Variants in BMPR2 observed in about 807,000 individuals in gnomAD.
BMPR2 encodes bone morphogenetic protein receptor type 2.
Under a neutral mutation model 100.8 loss-of-function variants are expected in BMPR2, and 29 were observed. That is an observed-to-expected ratio of 0.29 (90% CI 0.21 to 0.39). The LOEUF is 0.39. Ranked by LOEUF, BMPR2 falls within the 10% of genes least tolerant of loss-of-function variation. The pLI is 1.00. For missense variants in BMPR2, 1,011 were observed against 1,274.5 expected, an observed-to-expected ratio of 0.79 and a Z score of 3.15; for synonymous variants, 382 against 442.3, an observed-to-expected ratio of 0.86 and a Z score of 1.71.
intron 1 of BMPR2, among the ~76,000 whole-genome samples, chr2:202,379,704 T>G (rs1690230393): frequency 6.6e-6 from 1 of 152,182 alleles, no homozygotes; most frequent in Non-Finnish European, 1.5e-5. Context: ...GCGCAAATGG[T>G]GCAGCTGAAC....
At position 202,565,615 on chromosome 2, in the gene BMPR2, C is replaced by T. The variant is rs1688747980; in HGVS notation, c.*5669C>T. On this transcript the variant is annotated 3_prime_UTR_variant, in exon 13 of 13. Coordinates refer to ENST00000374580, the MANE Select transcript of BMPR2 (RefSeq NM_001204.7). ...GCCATTAAAATTTTTTAACATATTG[C>T]AGCAAGCTTAGTTTTATGATTGAGC... 1 of 152,500 alleles carries T rather than the reference C, an allele frequency of 6.6e-6. No individual in the cohort carries two copies. The highest frequency in any genetic ancestry group is 1.5e-5 in the Non-Finnish European group (1 of 68,002). The allele number at this position is 152,500 out of a possible 1,614,324, so 9.4% of individuals were successfully genotyped here. A position where few individuals can be genotyped will look rare whatever the true frequency, so the allele number is the denominator to read the frequency against.
chr2:202,498,314 C>T (rs1574478829), intron 3 of BMPR2, among the ~76,000 whole-genome samples: 1 of 152,232 alleles, frequency 6.6e-6, no homozygotes, highest in South Asian at 2.1e-4. Flanking sequence ...ATCCGACCTT[C>T]CTCCGTCCTC....
At chr2:202,492,457 T>C (rs1472151524) in intron 3 of BMPR2, among the ~76,000 whole-genome samples, 1 of 152,074 alleles carries the variant, frequency 6.6e-6, no homozygotes, top group African/African-American at 2.4e-5. Flanking sequence ...CCCAGCACTT[T>C]GGTAGGCCTA....
intron 1 of BMPR2, among the ~76,000 whole-genome samples, chr2:202,409,599 C>T (rs886585758): frequency 3.9e-5 from 6 of 151,918 alleles, no homozygotes; most frequent in Non-Finnish European, 8.8e-5. Context: ...ATATGATCTC[C>T]GAAACAAACG....
intron 3 of BMPR2, among the ~76,000 whole-genome samples, chr2:202,475,598 A>T (rs1198929959): frequency 6.6e-6 from 1 of 152,160 alleles, no homozygotes; most frequent in Non-Finnish European, 1.5e-5. Flanking sequence ...TCTGAATGCC[A>T]GCCTCTATCC....
At chr2:202,475,532 C>T (rs1692529159) in intron 3 of BMPR2, among the ~76,000 whole-genome samples, 1 of 152,144 alleles carries the variant, frequency 6.6e-6, no homozygotes, top group African/African-American at 2.4e-5. Context: ...TCCATTTACA[C>T]ATTATTTATT....
At chr2:202,550,166 A>C (rs905612157) in intron 10 of BMPR2, among the ~76,000 whole-genome samples, 53 of 152,062 alleles carry the variant, frequency 3.5e-4, no homozygotes, top group Non-Finnish European at 6.5e-4. Flanking sequence ...TCAGGAGATC[A>C]AGACCATCCT....
At chr2:202,469,597 G>A (rs1438825322) in intron 3 of BMPR2, 8 of 202,596 alleles carry the variant, frequency 3.9e-5, no homozygotes, top group Non-Finnish European at 6.2e-5. Flanking sequence ...TCCTGTCTCA[G>A]CCTCCCAAGT....
chr2:202,516,641 C>G (rs1158542832), intron 5 of BMPR2, among the ~76,000 whole-genome samples: 1 of 151,528 alleles, frequency 6.6e-6, no homozygotes, highest in Non-Finnish European at 1.5e-5. Flanking sequence ...TGACAGAGAC[C>G]CTGTCTCAAA....
chr2:202,406,252 C>A (rs961502782), intron 1 of BMPR2, among the ~76,000 whole-genome samples: 1 of 152,200 alleles, frequency 6.6e-6, no homozygotes, highest in Non-Finnish European at 1.5e-5. Context: ...TCATAAAACA[C>A]CATTGCCTTC....
chr2:202,394,998 C>T (rs993548373), intron 1 of BMPR2, among the ~76,000 whole-genome samples: 6 of 151,968 alleles, frequency 3.9e-5, no homozygotes, highest in African/African-American at 7.3e-5. Context: ...GTTCTCCTGC[C>T]TCAACCTCCT....
At chr2:202,422,109 G>A (rs1014197702) in intron 1 of BMPR2, among the ~76,000 whole-genome samples, 13 of 152,026 alleles carry the variant, frequency 8.6e-5, no homozygotes, top group Non-Finnish European at 1.5e-4. Flanking sequence ...GGGTTTCACC[G>A]TGTTGGCCAG....
At chr2:202,524,352 A>G (rs1157794627) in intron 7 of BMPR2, among the ~76,000 whole-genome samples, 1 of 140,394 alleles carries the variant, frequency 7.1e-6, no homozygotes, top group African/African-American at 2.6e-5. Context: ...ACAGATCGAG[A>G]GTCTGTCTCA....
intron 3 of BMPR2, among the ~76,000 whole-genome samples, chr2:202,489,936 T>C (rs1692867267): frequency 6.6e-6 from 1 of 152,210 alleles, no homozygotes; most frequent in South Asian, 2.1e-4. Context: ...GCATTTATTC[T>C]CATAATCATA....
chr2:202,535,482 C>T (rs1488809787), intron 9 of BMPR2, among the ~76,000 whole-genome samples: 4 of 146,416 alleles, frequency 2.7e-5, no homozygotes, highest in South Asian at 4.4e-4. Context: ...ACATCTCAGA[C>T]GATGGGCGGC....
intron 10 of BMPR2, among the ~76,000 whole-genome samples, chr2:202,545,379 T>G (rs1200777827): frequency 3.3e-5 from 5 of 152,092 alleles, no homozygotes; most frequent in African/African-American, 1.2e-4. Context: ...TCGTTTGCCT[T>G]TTCCATAGCA....
At chr2:202,551,009 T>C (rs1028429246) in intron 10 of BMPR2, among the ~76,000 whole-genome samples, 3 of 130,038 alleles carry the variant, frequency 2.3e-5, no homozygotes, top group African/African-American at 9.0e-5. Context: ...CAGGCTGGAG[T>C]GCAATGGCGC....
chr2:202,392,073 C>CT (rs771003835), intron 1 of BMPR2, among the ~76,000 whole-genome samples: 6,109 of 135,600 alleles, frequency 0.045, 450 homozygotes, highest in African/African-American at 0.16. Flanking sequence ...AGTCTACACT[C>CT]TTTTTTTTTT....
At chr2:202,549,122 T>A (rs763505457) in intron 10 of BMPR2, among the ~76,000 whole-genome samples, 12 of 152,190 alleles carry the variant, frequency 7.9e-5, no homozygotes, top group Non-Finnish European at 1.8e-4. Context: ...GAATTTTATA[T>A]AAATGGAATC....
Sources: gnomAD v4.1 joint callset for allele counts (sites outside exome capture counted in the v4.1 genomes callset) on GRCh38, gnomAD v4.1.1 for gene constraint, MANE v1.5 for transcripts, NCBI Gene and HGNC (gene_info 2026-07-23, HGNC 2026-07-21) for gene names.